The following GALNT13 variants were observed in gnomAD, a reference collection of about 807,000 sequenced individuals.
The protein encoded by GALNT13 is UDP-GalNAc:polypeptide N-acetylgalactosaminyltransferase 13.
GALNT13 carries 28 observed loss-of-function variants against 64.2 expected under a neutral mutation model. That is an observed-to-expected ratio of 0.44 (90% CI 0.32 to 0.60). The LOEUF is 0.60. Among genes scored for constraint, GALNT13 ranks in the 20% least tolerant of loss-of-function variants. The probability of loss-of-function intolerance (pLI) is 0.05; values close to 1 mark genes in which losing one functional copy is unlikely to be tolerated. For missense variants in GALNT13, 577 were observed against 669.8 expected (o/e 0.86, Z 1.53); for synonymous variants, 214 against 224.6 (o/e 0.95, Z 0.42).
At chr2:153,110,504 C>T in the GALNT13 span, among the ~76,000 whole-genome samples, 3 of 152,058 alleles carry the variant, frequency 2.0e-5, no homozygotes. Context: ...AATGGTTAAA[C>T]CTCAGTTCGT....
rs115862704 is a variant in GALNT13 at position 154,322,543 on chromosome 2, C to T, written c.1156+20954C>T. On this transcript the variant is annotated intron_variant, in intron 9 of 12. Coordinates refer to ENST00000392825, the MANE Select transcript of GALNT13 (RefSeq NM_052917.4). ...ATCAGTGGCAGCCTTGGTTTGAAGG[C>T]GTCTGACTCAGAGTGGGAAACAGCT... Among the ~76,000 whole-genome samples, 337 of 152,140 alleles carry T rather than the reference C, an allele frequency of 2.2e-3. 1 individual carries two copies. The highest frequency in any genetic ancestry group is 7.5e-3 in the African/African-American group (311 of 41,536).
rs16837460 is a variant in GALNT13 at position 154,442,185 on chromosome 2, A to G, written c.1530+3459A>G. Among the ~76,000 whole-genome samples the G allele has an allele frequency of 9.8e-3, 1,485 of 152,222 alleles. 25 individuals carry two copies. The highest frequency in any genetic ancestry group is 0.034 in the African/African-American group (1,396 of 41,548). ...TTAATAGGGGGAAAGGTGTTCTACA[A>G]TAAATATGGTCCATTTAGCTAAATA... On this transcript the variant is annotated intron_variant, in intron 12 of 12. Coordinates refer to ENST00000392825, the MANE Select transcript of GALNT13 (RefSeq NM_052917.4).
chr2:153,632,501 C>A, the GALNT13 span, among the ~76,000 whole-genome samples: 8 of 152,160 alleles, frequency 5.3e-5, no homozygotes, highest in African/African-American at 1.9e-4. Flanking sequence ...AAAAAATCCC[C>A]TGTGCTCCAC....
At chr2:153,987,754 A>G (rs948557216) in intron 3 of GALNT13, among the ~76,000 whole-genome samples, 2 of 151,862 alleles carry the variant, frequency 1.3e-5, no homozygotes, top group African/African-American at 4.8e-5. Flanking sequence ...AGATAGGATG[A>G]TAACTCACCC....
At chr2:153,418,593 G>C in the GALNT13 span, among the ~76,000 whole-genome samples, 5 of 152,200 alleles carry the variant, frequency 3.3e-5, no homozygotes, top group Admixed American at 2.6e-4. Context: ...GATAAAGCCT[G>C]AGAAATGAAC....
chr2:153,441,189 A>G, the GALNT13 span, among the ~76,000 whole-genome samples: 1 of 152,298 alleles, frequency 6.6e-6, no homozygotes, highest in East Asian at 1.9e-4. Context: ...TCCCAATGAC[A>G]TTTATTAAAT....
At position 153,899,831 on chromosome 2, in the gene GALNT13, A is replaced by G. The variant is rs559702635; in HGVS notation, c.-176-1105A>G. On this transcript the variant is annotated intron_variant, in intron 1 of 12. Transcript: ENST00000392825. ...TAATATTCCTTTAAAGATGTTTGGT[A>G]CTTAAGGGGATTTTTATTTATATTG... 3.3e-5 allele frequency among the ~76,000 whole-genome samples: 5 copies of G among 151,536 alleles called. 1 individual carries two copies. Among genetic ancestry groups the G allele is most frequent in the African/African-American group, 1.2e-4 (5 of 41,378 alleles).
At chr2:153,136,971 T>C in the GALNT13 span, among the ~76,000 whole-genome samples, 1 of 151,830 alleles carries the variant, frequency 6.6e-6, no homozygotes. Flanking sequence ...GGTAAGGCCC[T>C]CTCCCGAGGT....
chr2:154,126,656 A>T (rs1221829928), intron 3 of GALNT13, among the ~76,000 whole-genome samples: 1 of 149,710 alleles, frequency 6.7e-6, no homozygotes, highest in Non-Finnish European at 1.5e-5. Context: ...AAAAAAAAAC[A>T]AAAAAAAGAA....
intron 4 of GALNT13, among the ~76,000 whole-genome samples, chr2:154,223,802 A>AAGAT (rs1418612817): frequency 3.9e-5 from 6 of 152,086 alleles, no homozygotes; most frequent in Non-Finnish European, 8.8e-5. Flanking sequence ...ATTGAAATTA[A>AAGAT]AGATAGCTAT....
the GALNT13 span, among the ~76,000 whole-genome samples, chr2:153,726,957 C>A: frequency 8.3e-3 from 1,087 of 130,562 alleles, 5 homozygotes; most frequent in African/African-American, 0.017. Context: ...AAAAAAAAAA[C>A]AAAAAAAAAA....
At chr2:154,159,281 C>T (rs955096050) in intron 4 of GALNT13, among the ~76,000 whole-genome samples, 9 of 151,950 alleles carry the variant, frequency 5.9e-5, no homozygotes, top group Non-Finnish European at 1.3e-4. Flanking sequence ...ATTACAGGCA[C>T]ATGCCACCAT....
chr2:153,102,146 C>T, the GALNT13 span, among the ~76,000 whole-genome samples: 2 of 152,012 alleles, frequency 1.3e-5, no homozygotes, highest in African/African-American at 2.4e-5. Context: ...CTCTTGGGAA[C>T]TCTGTGTCTG....
At chr2:154,256,250 A>AT (rs905993715) in intron 7 of GALNT13, among the ~76,000 whole-genome samples, 3 of 147,592 alleles carry the variant, frequency 2.0e-5, no homozygotes, top group African/African-American at 5.0e-5. Flanking sequence ...AAGCACCAAA[A>AT]TTTAAAAAAA....
At chr2:153,608,620 C>T in the GALNT13 span, among the ~76,000 whole-genome samples, 3 of 148,678 alleles carry the variant, frequency 2.0e-5, no homozygotes, top group South Asian at 6.3e-4. Flanking sequence ...ATAATATATA[C>T]ATATATTTCT....
the GALNT13 span, among the ~76,000 whole-genome samples, chr2:153,827,744 C>A: frequency 6.6e-6 from 1 of 152,118 alleles, no homozygotes; most frequent in African/African-American, 2.4e-5. Context: ...TCCCAGCAGT[C>A]CTCCAAAGTC....
the GALNT13 span, among the ~76,000 whole-genome samples, chr2:153,146,025 G>T: frequency 7.2e-5 from 11 of 151,958 alleles, no homozygotes; most frequent in South Asian, 2.3e-3. Context: ...GAGATGAAGG[G>T]AATTTCCTGA....
chr2:154,180,385 T>C (rs557901918), intron 4 of GALNT13, among the ~76,000 whole-genome samples: 25 of 152,178 alleles, frequency 1.6e-4, no homozygotes, highest in Middle Eastern at 3.4e-3. Flanking sequence ...TCTCCTTGCC[T>C]TTTATGGATC....
intron 3 of GALNT13, among the ~76,000 whole-genome samples, chr2:153,957,673 A>G (rs62172782): frequency 0.012 from 1,804 of 152,306 alleles, 27 homozygotes; most frequent in Non-Finnish European, 0.021. Context: ...CCCAGATGCC[A>G]ATTTCATAAC....
Sources: gnomAD v4.1 joint callset for allele counts (sites outside exome capture counted in the v4.1 genomes callset) on GRCh38, gnomAD v4.1.1 for gene constraint, MANE v1.5 for transcripts, NCBI Gene and HGNC (gene_info 2026-07-23, HGNC 2026-07-21) for gene names.